Variants in APBA1 observed in about 807,000 individuals in gnomAD.
The protein encoded by APBA1 is amyloid-beta A4 precursor protein-binding family A member 1.
Under a neutral mutation model 86.6 loss-of-function variants are expected in APBA1, and 55 were observed. The ratio of observed to expected loss-of-function variants is 0.64; its 90% CI spans 0.51 to 0.80. The LOEUF is 0.80. Ranked by LOEUF, APBA1 falls within the 30% of genes least tolerant of loss-of-function variation. The pLI, the probability that APBA1 is intolerant of heterozygous loss-of-function variation, is 0.00. For synonymous variants in APBA1, 511 were observed against 493.9 expected, an observed-to-expected ratio of 1.03 and a Z score of -0.46; for missense variants, 1,090 against 1,183.0, an observed-to-expected ratio of 0.92 and a Z score of 1.15.
At chr9:69,544,593 G>C (rs1836667508) in intron 1 of APBA1, among the ~76,000 whole-genome samples, 1 of 152,062 alleles carries the variant, frequency 6.6e-6, no homozygotes, top group South Asian at 2.1e-4. Context: ...CTTATACACA[G>C]GGTCCTTCAT....
At position 69,492,141 on chromosome 9, in the gene APBA1, T is replaced by C. The variant is rs1402163496; in HGVS notation, c.1201-15998A>G. 5.9e-5 allele frequency among the ~76,000 whole-genome samples: 9 copies of C among 152,122 alleles called. 1 individual carries two copies. Among genetic ancestry groups the C allele is most frequent in the Non-Finnish European group, 1.5e-5 (1 of 68,022 alleles). On this transcript the variant is annotated intron_variant, in intron 2 of 12. Transcript: ENST00000265381. The stretch of plus-strand genomic sequence containing the variant: ...GTTTCAGGATAGGGAGGTTATTAAA[T>C]GCTTAAGGCCCAGCGTCTGGCAGAT...
At chr9:69,647,311 T>C (rs770568853) in intron 1 of APBA1, among the ~76,000 whole-genome samples, 1 of 152,238 alleles carries the variant, frequency 6.6e-6, no homozygotes, top group Non-Finnish European at 1.5e-5. Flanking sequence ...AATCATGGAC[T>C]CTCAAATCTG....
intron 1 of APBA1, among the ~76,000 whole-genome samples, chr9:69,628,560 G>A (rs1258038068): frequency 6.6e-6 from 1 of 152,182 alleles, no homozygotes; most frequent in Non-Finnish European, 1.5e-5. Context: ...GACAGTGACA[G>A]GCAGAGTCAC....
At chr9:69,570,675 CT>C (rs1837100985) in intron 1 of APBA1, among the ~76,000 whole-genome samples, 1 of 152,120 alleles carries the variant, frequency 6.6e-6, no homozygotes, top group Non-Finnish European at 1.5e-5. Context: ...GAATAGCCCC[CT>C]TTGTCTTTTT....
intron 1 of APBA1, among the ~76,000 whole-genome samples, chr9:69,635,466 C>A (rs1345110029): frequency 6.6e-6 from 1 of 151,116 alleles, no homozygotes; most frequent in Admixed American, 6.6e-5. Flanking sequence ...CAGAAAAAAA[C>A]AACAAAATGG....
intron 1 of APBA1, among the ~76,000 whole-genome samples, chr9:69,604,274 G>A (rs1822416073): frequency 6.8e-6 from 1 of 147,922 alleles, no homozygotes; most frequent in Non-Finnish European, 1.5e-5. Context: ...ACGGGTGTGG[G>A]CACGCATGCA....
At chr9:69,448,060 C>T (rs373234725) in intron 10 of APBA1, among the ~76,000 whole-genome samples, 1 of 152,124 alleles carries the variant, frequency 6.6e-6, no homozygotes, top group Non-Finnish European at 1.5e-5. Flanking sequence ...CCAGACCAGC[C>T]GTTCCGGGCC....
At chr9:69,449,953 T>C (rs1163522370) in intron 9 of APBA1, among the ~76,000 whole-genome samples, 157 bp from the exon 10 acceptor site, 1 of 152,110 alleles carries the variant, frequency 6.6e-6, no homozygotes, top group Non-Finnish European at 1.5e-5. Flanking sequence ...TTCCGCATAT[T>C]TGGAGTTTTT....
intron 1 of APBA1, among the ~76,000 whole-genome samples, chr9:69,592,138 G>T (rs1006154127): frequency 1.3e-5 from 2 of 152,160 alleles, no homozygotes; most frequent in Non-Finnish European, 2.9e-5. Flanking sequence ...TTTTTCTACA[G>T]ATACATTCAT....
At chr9:69,563,684 C>T (rs1006155159) in intron 1 of APBA1, among the ~76,000 whole-genome samples, 17 of 151,982 alleles carry the variant, frequency 1.1e-4, no homozygotes, top group Middle Eastern at 3.4e-3. Flanking sequence ...ACTTGTCTAT[C>T]CATCAAGATT....
intron 1 of APBA1, among the ~76,000 whole-genome samples, chr9:69,663,747 GA>G (rs1416080766): frequency 2.0e-5 from 3 of 152,182 alleles, no homozygotes. Context: ...AGAGGAGGCT[GA>G]AAAGGAAACT....
intron 3 of APBA1, among the ~76,000 whole-genome samples, chr9:69,474,672 A>G (rs1835414581): frequency 6.6e-6 from 1 of 152,346 alleles, no homozygotes. Flanking sequence ...GCTCAAGACC[A>G]GAGGAGACCA....
chr9:69,571,762 C>T (rs1311520492), intron 1 of APBA1, among the ~76,000 whole-genome samples: 3 of 152,106 alleles, frequency 2.0e-5, no homozygotes, highest in East Asian at 1.9e-4. Context: ...CACTTTTTAA[C>T]TTAATTCTCT....
intron 11 of APBA1, among the ~76,000 whole-genome samples, chr9:69,436,253 G>T (rs13300623): frequency 1.3e-5 from 2 of 149,960 alleles, no homozygotes; most frequent in Non-Finnish European, 3.0e-5. Context: ...GATTGACTTG[G>T]CAATGTGGGC....
At chr9:69,519,742 T>C (rs1381466701) in intron 1 of APBA1, among the ~76,000 whole-genome samples, 2 of 152,240 alleles carry the variant, frequency 1.3e-5, no homozygotes, top group Non-Finnish European at 2.9e-5. Context: ...ACCAAAATGC[T>C]GCCTTCAGGG....
In APBA1 at chr9:69,567,980, A is replaced by G. The variant is rs145952880; in HGVS notation, c.-69-50701T>C. ...GAATGTTCCAGACTTCATCCCCAGA[A>G]AACTCCCATCACCACTCCCAAAAAG... is the stretch of plus-strand genomic sequence containing the variant. On this transcript the variant is annotated intron_variant, in intron 1 of 12. Transcript: ENST00000265381. 2.1e-3 allele frequency among the ~76,000 whole-genome samples: 321 copies of G among 152,278 alleles called. 2 individuals carry two copies. Among genetic ancestry groups the G allele is most frequent in the African/African-American group, 7.4e-3 (308 of 41,548 alleles).
intron 10 of APBA1, among the ~76,000 whole-genome samples, chr9:69,442,350 G>A (rs547452395): frequency 6.6e-6 from 1 of 152,282 alleles, no homozygotes; most frequent in African/African-American, 2.4e-5. Context: ...CTGAGGCAGC[G>A]GGGGTCATAG....
rs574163549 is a variant in APBA1 at position 69,543,617 on chromosome 9, T to G, written c.-69-26338A>C. 2.0e-3 allele frequency among the ~76,000 whole-genome samples: 305 copies of G among 152,254 alleles called. 1 individual carries two copies. Among genetic ancestry groups the G allele is most frequent in the Non-Finnish European group, 3.4e-3 (234 of 68,020 alleles). ...GACTCTTCTATGCGCTTAAATATTA[T>G]TTAACCCTTATAAGAACTCTAGGAA... On this transcript the variant is annotated intron_variant, in intron 1 of 12. Transcript: ENST00000265381.
In APBA1 at chr9:69,467,911, T is replaced by C; in HGVS notation, c.1394A>G (p.Tyr465Cys). The C allele has an allele frequency of 6.2e-7, 1 of 1,614,112 alleles. No homozygotes were observed. Among genetic ancestry groups the C allele is most frequent in the Non-Finnish European group, 8.5e-7 (1 of 1,180,024 alleles). Residue 465 changes from tyrosine (Y) to cysteine (C), a missense_variant, in exon 5 of 13, where the codon TAC becomes TGC. Tyr to Cys is a radical substitution (Grantham distance 194). Around this residue, in one of 6 missense-constraint regions of APBA1, gnomAD observed 76 missense variants for 122.2 expected, o/e 0.62. Coordinates refer to ENST00000265381, the MANE Select transcript of APBA1 (RefSeq NM_001163.4). ...TGAGAGCAGCTGAGTGGAGCCAAGG[T>C]AATTGGCGGCAAAAATGATTCCATC... ...LIDGIIFAANYLGSTQLLSDK... is the reference protein window; with the variant it reads ...LIDGIIFAANCLGSTQLLSDK...
Sources: allele counts gnomAD v4.1 joint callset (sites outside exome capture counted in the v4.1 genomes callset), GRCh38; gene constraint gnomAD v4.1.1; regional missense constraint gnomAD v4.1.1; transcripts MANE v1.5; gene names NCBI Gene and HGNC (gene_info 2026-07-23, HGNC 2026-07-21).